NKAIN2: variants seen among roughly 807,000 people sequenced by gnomAD.
NKAIN2 encodes the protein sodium/potassium transporting ATPase interacting 2.
Under a neutral mutation model 32.6 loss-of-function variants are expected in NKAIN2, and 14 were observed. The observed-to-expected ratio is 0.43, with a 90% CI of 0.28 to 0.67. The LOEUF is 0.67. Among genes scored for constraint, NKAIN2 ranks in the 30% least tolerant of loss-of-function variants. NKAIN2 has a pLI of 0.17. For synonymous variants in NKAIN2, 80 were observed against 87.2 expected (o/e 0.92, Z 0.46); for missense variants, 198 against 258.3 (o/e 0.77, Z 1.60).
intron 1 of NKAIN2, among the ~76,000 whole-genome samples, chr6:123,912,845 C>G (rs1247268347): frequency 6.6e-6 from 1 of 152,034 alleles, no homozygotes; most frequent in Admixed American, 6.5e-5. Context: ...CTGATTGAGA[C>G]AGAATCATTG....
intron 3 of NKAIN2, among the ~76,000 whole-genome samples, chr6:124,593,425 A>C (rs1042228316): frequency 6.6e-6 from 1 of 152,044 alleles, no homozygotes; most frequent in African/African-American, 2.4e-5. Flanking sequence ...TAAGTTCACC[A>C]ATTAGTTTGA....
intron 5 of NKAIN2, among the ~76,000 whole-genome samples, chr6:124,810,488 TG>T (rs1780842165): frequency 6.7e-6 from 1 of 150,020 alleles, no homozygotes; most frequent in South Asian, 2.1e-4. Context: ...TGTTGTGGGG[TG>T]GGGGGAGCGG....
intron 4 of NKAIN2, among the ~76,000 whole-genome samples, chr6:124,735,917 C>T (rs894493314): frequency 6.6e-6 from 1 of 151,856 alleles, no homozygotes; most frequent in African/African-American, 2.4e-5. Context: ...AGTAACCCTA[C>T]AATGGCTTCT....
intron 2 of NKAIN2, among the ~76,000 whole-genome samples, chr6:124,329,448 T>C (rs1797561102): frequency 6.6e-6 from 1 of 152,172 alleles, no homozygotes; most frequent in African/African-American, 2.4e-5. Flanking sequence ...GAATTCTGGC[T>C]TTATTCCCTA....
chr6:124,729,137 G>A (rs1776508865), intron 4 of NKAIN2, among the ~76,000 whole-genome samples: 1 of 152,192 alleles, frequency 6.6e-6, no homozygotes, highest in South Asian at 2.1e-4. Context: ...GTATGAGGAG[G>A]AACTGGTACC....
chr6:124,421,072 A>AT (rs1011619551), intron 3 of NKAIN2, among the ~76,000 whole-genome samples: 3 of 78,676 alleles, frequency 3.8e-5, no homozygotes, highest in Non-Finnish European at 7.2e-5. Context: ...CACTGTCAAA[A>AT]TTAAAAAAAA....
intron 1 of NKAIN2, among the ~76,000 whole-genome samples, chr6:124,073,862 A>AT (rs759843981): frequency 6.6e-6 from 1 of 151,990 alleles, no homozygotes; most frequent in Non-Finnish European, 1.5e-5. Context: ...AAGCTAAACA[A>AT]TTGGGGGTTC....
chr6:124,207,888 T>A (rs1790975433), intron 1 of NKAIN2, among the ~76,000 whole-genome samples: 1 of 151,930 alleles, frequency 6.6e-6, no homozygotes, highest in South Asian at 2.1e-4. Flanking sequence ...AAATATTAAT[T>A]TTGCTAAATA....
intron 4 of NKAIN2, 56 bp from the exon 5 acceptor site, chr6:124,791,283 G>A: frequency 7.5e-7 from 1 of 1,333,282 alleles, no homozygotes; most frequent in Non-Finnish European, 1.1e-6. Context: ...ACTCTCCAGT[G>A]AGGTCTGGTG....
chr6:124,421,640 G>A (rs1160313113), intron 3 of NKAIN2, among the ~76,000 whole-genome samples: 1 of 152,134 alleles, frequency 6.6e-6, no homozygotes, highest in African/African-American at 2.4e-5. Flanking sequence ...TAACTCACAT[G>A]AGGGTTAATG....
intron 2 of NKAIN2, among the ~76,000 whole-genome samples, chr6:124,335,791 A>G (rs1797836764): frequency 6.6e-6 from 1 of 152,140 alleles, no homozygotes; most frequent in Non-Finnish European, 1.5e-5. Flanking sequence ...ATTTCCAATG[A>G]GACATCTAAT....
chr6:124,038,295 A>G lies in NKAIN2; in HGVS notation c.54+234041A>G, dbSNP rs1164370811. Among the ~76,000 whole-genome samples the G allele has an allele frequency of 5.3e-5, 8 of 151,874 alleles. No individual in the cohort carries two copies. In the East Asian group the frequency reaches 1.5e-3, roughly 29 times the overall value. On this transcript the variant is annotated intron_variant, in intron 1 of 6. Transcript: ENST00000368417. ...TCACCCAGGCTGGATGCTCACTGCA[A>G]CCTCTGCCTCCAGGGTTCAAGTGAT...
chr6:124,634,115 A>G (rs1162638615), intron 3 of NKAIN2, among the ~76,000 whole-genome samples: 1 of 152,022 alleles, frequency 6.6e-6, no homozygotes. Flanking sequence ...AAAATTTCCT[A>G]GAAAAGGTTC....
chr6:124,103,599 G>A (rs761858929), intron 1 of NKAIN2, among the ~76,000 whole-genome samples: 2 of 152,128 alleles, frequency 1.3e-5, no homozygotes, highest in Non-Finnish European at 2.9e-5. Flanking sequence ...TTGAATGGAA[G>A]TTATTATTAC....
At chr6:124,242,523 A>G (rs1793159528) in intron 1 of NKAIN2, among the ~76,000 whole-genome samples, 1 of 152,190 alleles carries the variant, frequency 6.6e-6, no homozygotes, top group African/African-American at 2.4e-5. Flanking sequence ...ATACCATTTG[A>G]CCCAGCAATC....
intron 3 of NKAIN2, among the ~76,000 whole-genome samples, chr6:124,374,122 C>T (rs1055667229): frequency 6.6e-5 from 10 of 151,870 alleles, no homozygotes; most frequent in African/African-American, 2.2e-4. Context: ...AGGGTTTGAC[C>T]TTAGGTAAGA....
chr6:124,778,917 TGAG>T (rs2114778249), intron 4 of NKAIN2, among the ~76,000 whole-genome samples: 1 of 152,240 alleles, frequency 6.6e-6, no homozygotes, highest in East Asian at 1.9e-4. Context: ...CATTTACAAA[TGAG>T]GAGAATTAAT....
At chr6:124,148,498 C>T (rs1028070779) in intron 1 of NKAIN2, among the ~76,000 whole-genome samples, 4 of 151,972 alleles carry the variant, frequency 2.6e-5, no homozygotes, top group Non-Finnish European at 5.9e-5. Context: ...TGTAAACATA[C>T]AATAAGTGGT....
intron 1 of NKAIN2, among the ~76,000 whole-genome samples, chr6:123,855,418 C>T (rs1259335502): frequency 6.6e-6 from 1 of 152,138 alleles, no homozygotes; most frequent in Admixed American, 6.5e-5. Context: ...ATAGCAAACA[C>T]TTAAACTTGT....
Sources: allele counts gnomAD v4.1 joint callset (sites outside exome capture counted in the v4.1 genomes callset), GRCh38; gene constraint gnomAD v4.1.1; transcripts MANE v1.5; gene names NCBI Gene and HGNC (gene_info 2026-07-23, HGNC 2026-07-21).